The following GPR176 variants were observed in gnomAD, a reference collection of about 807,000 sequenced individuals.
GPR176 encodes the protein G-protein coupled receptor 176.
Under a neutral mutation model 35.4 loss-of-function variants are expected in GPR176, and 26 were observed. The observed-to-expected ratio is 0.74, with a 90% CI of 0.54 to 1.02. The LOEUF is 1.02. Among genes scored for constraint, GPR176 ranks in the 50% least tolerant of loss-of-function variants. The pLI, the probability that GPR176 is intolerant of heterozygous loss-of-function variation, is 0.00. For synonymous variants in GPR176, 278 were observed against 271.3 expected, an observed-to-expected ratio of 1.02 and a Z score of -0.24; for missense variants, 597 against 665.3, an observed-to-expected ratio of 0.90 and a Z score of 1.13.
intron 1 of GPR176, among the ~76,000 whole-genome samples, chr15:39,819,539 A>G (rs1325078158): frequency 6.6e-6 from 1 of 152,206 alleles, no homozygotes; most frequent in Non-Finnish European, 1.5e-5. Context: ...TTTTATAACT[A>G]TACCTACTGA....
At position 39,801,234 on chromosome 15, in the gene GPR176, G is replaced by A; in HGVS notation, c.1446C>T (p.Thr482=). Residue 482 remains threonine, a synonymous_variant, in exon 3 of 3, where the codon ACC becomes ACT. Coordinates refer to ENST00000561100, the MANE Select transcript of GPR176 (RefSeq NM_007223.3). ...KKRLLPPLGN[T]PEELIQTKVP... The stretch of plus-strand genomic sequence containing the variant: ...CCTTTGTCTGGATCAGCTCTTCTGG[G>A]GTGTTGCCCAAGGGGGGAAGCAGCC... 6.2e-7 allele frequency: 1 copy of A among 1,614,102 alleles called. No individual in the cohort carries two copies. Among genetic ancestry groups the A allele is most frequent in the Non-Finnish European group, 8.5e-7 (1 of 1,179,916 alleles).
intron 1 of GPR176, among the ~76,000 whole-genome samples, chr15:39,882,571 A>T (rs1044328974): frequency 3.3e-5 from 5 of 152,364 alleles, no homozygotes; most frequent in African/African-American, 1.2e-4. Flanking sequence ...CTGATGAAAT[A>T]ACCAGCTATG....
At chr15:39,867,198 C>T (rs188737262) in intron 1 of GPR176, among the ~76,000 whole-genome samples, 2 of 152,268 alleles carry the variant, frequency 1.3e-5, no homozygotes, top group Admixed American at 1.3e-4. Flanking sequence ...GGTGTTCATG[C>T]CGGCTGATAC....
At chr15:39,905,062 G>T (rs748497289) in intron 1 of GPR176, among the ~76,000 whole-genome samples, 1 of 152,156 alleles carries the variant, frequency 6.6e-6, no homozygotes, top group South Asian at 2.1e-4. Flanking sequence ...TGCAATCTTG[G>T]AGAGCCAAGC....
At chr15:39,893,931 C>T (rs1484093591) in intron 1 of GPR176, among the ~76,000 whole-genome samples, 1 of 133,932 alleles carries the variant, frequency 7.5e-6, no homozygotes, top group East Asian at 2.5e-4. Context: ...ACCTCCCTCC[C>T]GGACGGGGCG....
At chr15:39,913,420 T>C (rs1484819652) in intron 1 of GPR176, among the ~76,000 whole-genome samples, 1 of 151,874 alleles carries the variant, frequency 6.6e-6, no homozygotes, top group African/African-American at 2.4e-5. Context: ...TGGCACACAC[T>C]TGTAGTCCCA....
At chr15:39,836,185 T>G (rs1197057550) in intron 1 of GPR176, among the ~76,000 whole-genome samples, 1 of 151,988 alleles carries the variant, frequency 6.6e-6, no homozygotes, top group Non-Finnish European at 1.5e-5. Context: ...CATACCAGGG[T>G]CTTGGCCACT....
intron 1 of GPR176, among the ~76,000 whole-genome samples, chr15:39,822,151 G>GC (rs1225427695): frequency 2.0e-5 from 3 of 152,320 alleles, no homozygotes; most frequent in Non-Finnish European, 4.4e-5. Context: ...CCCCACTCAT[G>GC]CCTTCAGGTG....
At chr15:39,845,019 G>C (rs2030318503) in intron 1 of GPR176, among the ~76,000 whole-genome samples, 1 of 152,066 alleles carries the variant, frequency 6.6e-6, no homozygotes, top group South Asian at 2.1e-4. Flanking sequence ...GGTGTTACCG[G>C]CACCAGGGAG....
intron 1 of GPR176, among the ~76,000 whole-genome samples, chr15:39,839,272 T>C (rs916343692): frequency 6.6e-6 from 1 of 152,140 alleles, no homozygotes; most frequent in African/African-American, 2.4e-5. Context: ...AGCTTGGTAC[T>C]GGTACCAAAA....
intron 1 of GPR176, among the ~76,000 whole-genome samples, chr15:39,827,701 G>C (rs1233036544): frequency 2.6e-5 from 4 of 152,104 alleles, no homozygotes; most frequent in Non-Finnish European, 5.9e-5. Context: ...CTATTAGATT[G>C]GTGCAATTGT....
intron 1 of GPR176, among the ~76,000 whole-genome samples, chr15:39,918,044 TAAAAAAAA>T (rs11410825): frequency 1.8e-5 from 2 of 111,458 alleles, no homozygotes. Flanking sequence ...AAACTCTGTC[TAAAAAAAA>T]AAAAAAAAAA....
intron 1 of GPR176, among the ~76,000 whole-genome samples, chr15:39,904,986 A>G (rs1416582864): frequency 3.3e-5 from 5 of 152,188 alleles, no homozygotes; most frequent in Non-Finnish European, 5.9e-5. Flanking sequence ...AGCATCATGT[A>G]AGCCTATTCC....
intron 1 of GPR176, among the ~76,000 whole-genome samples, chr15:39,844,855 G>A (rs2030306585): frequency 6.6e-6 from 1 of 152,034 alleles, no homozygotes; most frequent in Non-Finnish European, 1.5e-5. Context: ...CTCTCCTAGG[G>A]TGACCAACCA....
intron 1 of GPR176, among the ~76,000 whole-genome samples, chr15:39,855,421 C>T (rs981583520): frequency 1.3e-5 from 2 of 152,180 alleles, no homozygotes; most frequent in African/African-American, 4.8e-5. Context: ...TAAAATGCTA[C>T]ACTATGTTTA....
In GPR176 at chr15:39,801,457, G is replaced by A. The variant is rs1262807254; in HGVS notation, c.1223C>T (p.Thr408Ile). 3.7e-6 allele frequency: 6 copies of A among 1,614,018 alleles called. No individual in the cohort carries two copies. In the African/African-American group the frequency reaches 5.3e-5, roughly 14 times the overall value. ...ADFQAKEIFS[T>I]CLEGEQGPQF... ...TGGCCCCTGCTCTCCCTCCAGGCAG[G>A]TGCTAAATATCTCCTTGGCCTGGAA... Residue 408 changes from threonine (T) to isoleucine (I), a missense_variant, in exon 3 of 3, where the codon ACC (threonine) becomes ATC (isoleucine). Transcript: ENST00000561100.
chr15:39,877,087 A>G (rs2032277387), intron 1 of GPR176, among the ~76,000 whole-genome samples: 1 of 152,208 alleles, frequency 6.6e-6, no homozygotes, highest in South Asian at 2.1e-4. Flanking sequence ...TAAAAGTCTC[A>G]TAAGAAAACC....
intron 2 of GPR176, among the ~76,000 whole-genome samples, chr15:39,803,894 T>C (rs1899039965): frequency 6.6e-6 from 1 of 152,008 alleles, no homozygotes; most frequent in Non-Finnish European, 1.5e-5. Flanking sequence ...CCATGGACAA[T>C]CAGGGAAGGA....
At chr15:39,881,153 C>T (rs2032460546) in intron 1 of GPR176, among the ~76,000 whole-genome samples, 1 of 152,170 alleles carries the variant, frequency 6.6e-6, no homozygotes, top group African/African-American at 2.4e-5. Flanking sequence ...GCTTTGCTCT[C>T]ACTGGCCTGT....
Sources: allele counts gnomAD v4.1 joint callset (sites outside exome capture counted in the v4.1 genomes callset), GRCh38; gene constraint gnomAD v4.1.1; transcripts MANE v1.5; gene names NCBI Gene and HGNC (gene_info 2026-07-23, HGNC 2026-07-21).